ITPR2: variants seen among roughly 807,000 people sequenced by gnomAD.
ITPR2 encodes the protein inositol 1,4,5-trisphosphate receptor type 2.
A neutral mutation model predicts 317.1 loss-of-function variants in ITPR2; 207 were observed. The ratio of observed to expected loss-of-function variants is 0.65; its 90% CI spans 0.58 to 0.73. ITPR2 has a LOEUF of 0.73. Ranked by LOEUF, ITPR2 falls within the 30% of genes least tolerant of loss-of-function variation. The pLI, the probability that ITPR2 is intolerant of heterozygous loss-of-function variation, is 0.00. For synonymous variants in ITPR2, 1,156 were observed against 1,149.1 expected (o/e 1.01, Z -0.12); for missense variants, 2,613 against 3,284.0 (o/e 0.80, Z 4.99).
intron 38 of ITPR2, 99 bp downstream of exon 38, chr12:26,495,053 C>CTT: frequency 1.4e-6 from 1 of 733,836 alleles, no homozygotes; most frequent in Non-Finnish European, 2.4e-6. Context: ...TTAAATGACT[C>CTT]TTTTATATAT....
rs1439247969 is a variant in ITPR2, at chr12:26,391,555, CCTTTT to C, written c.7697-3966_7697-3962del. Reference sequence around the variant, plus strand: ...AGCTTCTTCTTCTTCTTCTTCTTTTCCTTTTTTTTTTTTTTTTTTTTTTTTTTTTG... The same window carrying C: ...AGCTTCTTCTTCTTCTTCTTCTTTTCTTTTTTTTTTTTTTTTTTTTTTTTG... On this transcript the variant is annotated intron_variant, in intron 54 of 56. Transcript: ENST00000381340. Among the ~76,000 whole-genome samples, 173 of 70,848 alleles carry C rather than the reference CCTTTT, an allele frequency of 2.4e-3. 11 individuals carry two copies. Among genetic ancestry groups the C allele is most frequent in the East Asian group, 7.8e-3 (11 of 1,416 alleles). The allele number at this position is 70,848 out of a possible 152,430, so 46.5% of individuals were successfully genotyped here.
At chr12:26,556,564 TTTTGTG>T (rs1320362506) in intron 35 of ITPR2, among the ~76,000 whole-genome samples, 189 bp from the exon 36 acceptor site, 37 of 111,594 alleles carry the variant, frequency 3.3e-4, no homozygotes, top group African/African-American at 9.4e-4. Context: ...CTATTTTTTT[TTTTGTG>T]TGTGTGTGTG....
intron 55 of ITPR2, among the ~76,000 whole-genome samples, chr12:26,360,313 G>C (rs1006631025): frequency 1.3e-5 from 2 of 152,156 alleles, no homozygotes; most frequent in African/African-American, 2.4e-5. Context: ...CACTTCGAGA[G>C]GGAAGTTCAT....
intron 45 of ITPR2, among the ~76,000 whole-genome samples, chr12:26,444,949 G>T (rs531398193): frequency 6.6e-6 from 1 of 152,032 alleles, no homozygotes; most frequent in African/African-American, 2.4e-5. Context: ...AACTAAATTT[G>T]AATTATACAC....
Position 26,655,872 on chromosome 12 carries a change from A to G in ITPR2, c.2445-20T>C. The G allele has an allele frequency of 6.3e-7, 1 of 1,597,960 alleles. No homozygotes were observed. The highest frequency in any genetic ancestry group is 8.5e-7 in the Non-Finnish European group (1 of 1,172,068). On this transcript the variant is annotated intron_variant, in intron 19 of 56. Transcript: ENST00000381340. ...TCATATCTGGAAATAGAGAAAGAAG[A>G]TAACGCAAGTTAAACTGATTGCAAT...
intron 1 of ITPR2, among the ~76,000 whole-genome samples, chr12:26,810,798 C>A (rs978123010): frequency 1.3e-5 from 2 of 152,108 alleles, no homozygotes; most frequent in African/African-American, 4.8e-5. Flanking sequence ...TTTGAAGAAA[C>A]AGCTAGACCA....
intron 21 of ITPR2, among the ~76,000 whole-genome samples, chr12:26,646,466 A>C (rs1947116750): frequency 6.6e-6 from 1 of 152,150 alleles, no homozygotes; most frequent in African/African-American, 2.4e-5. Context: ...AAAAAATTAA[A>C]CTGCACAAGC....
intron 23 of ITPR2, among the ~76,000 whole-genome samples, chr12:26,626,620 A>C (rs934412884): frequency 5.3e-5 from 8 of 152,274 alleles, no homozygotes; most frequent in African/African-American, 1.2e-4. Flanking sequence ...CAGAAAAACA[A>C]CACCATTGCA....
chr12:26,771,462 A>G (rs1026967482), intron 2 of ITPR2, among the ~76,000 whole-genome samples: 1 of 152,176 alleles, frequency 6.6e-6, no homozygotes, highest in African/African-American at 2.4e-5. Context: ...CATTTCTACT[A>G]TATATAGAAG....
intron 34 of ITPR2, among the ~76,000 whole-genome samples, chr12:26,566,348 G>A (rs111163963): frequency 0.35 from 48,880 of 138,014 alleles, 10,567 homozygotes; most frequent in South Asian, 0.5. Flanking sequence ...GAAGGAGAAG[G>A]GGAAGAGGAA....
At chr12:26,541,647 T>C (rs970856184) in intron 37 of ITPR2, among the ~76,000 whole-genome samples, 6 of 152,230 alleles carry the variant, frequency 3.9e-5, no homozygotes, top group Admixed American at 1.3e-4. Context: ...ATGTGAATGA[T>C]TCTATACAGA....
At chr12:26,640,921 A>G (rs1946969533) in intron 21 of ITPR2, among the ~76,000 whole-genome samples, 1 of 152,226 alleles carries the variant, frequency 6.6e-6, no homozygotes, top group African/African-American at 2.4e-5. Context: ...GGGAAACAGC[A>G]GGAGACAGAG....
chr12:26,802,914 A>C (rs1015581938), intron 1 of ITPR2, among the ~76,000 whole-genome samples: 1 of 152,172 alleles, frequency 6.6e-6, no homozygotes, highest in African/African-American at 2.4e-5. Context: ...ATAAGTTTTG[A>C]AACCTGTAAT....
At chr12:26,567,952 A>T (rs12311511) in intron 34 of ITPR2, among the ~76,000 whole-genome samples, 6 of 6,002 alleles carry the variant, frequency 1.0e-3, no homozygotes, top group African/African-American at 1.3e-3. Flanking sequence ...TATATATATT[A>T]TATATATATA....
Position 26,725,687 on chromosome 12 carries a change from CCTT to C in ITPR2, c.239_241del (p.Gln80_Gly81delinsArg). ...CAGCAAGGCTGCCTCGGTGTGGTTC[CCTT>C]GTTTGGCTTGCTTTGCTTTCCAATA... is the stretch of plus-strand genomic sequence containing the variant. On this transcript the variant is annotated inframe_deletion, in exon 3 of 57. Coordinates refer to ENST00000381340, the MANE Select transcript of ITPR2 (RefSeq NM_002223.4). 6.2e-7 allele frequency: 1 copy of C among 1,613,318 alleles called. No homozygotes were observed. Among genetic ancestry groups the C allele is most frequent in the Non-Finnish European group, 8.5e-7 (1 of 1,179,502 alleles).
intron 2 of ITPR2, among the ~76,000 whole-genome samples, chr12:26,775,847 G>A (rs1405966491): frequency 2.7e-5 from 4 of 150,418 alleles, no homozygotes; most frequent in African/African-American, 9.7e-5. Flanking sequence ...GACTCGGACT[G>A]GCTTCCTTGC....
chr12:26,673,902 C>T (rs1355750520), intron 13 of ITPR2, among the ~76,000 whole-genome samples: 541 of 82,094 alleles, frequency 6.6e-3, no homozygotes, highest in Non-Finnish European at 8.1e-3. Context: ...ACAACAATAA[C>T]AGACAAACAG....
At chr12:26,461,384 T>C (rs1232660942) in intron 45 of ITPR2, among the ~76,000 whole-genome samples, 1 of 152,074 alleles carries the variant, frequency 6.6e-6, no homozygotes, top group African/African-American at 2.4e-5. Context: ...AAATTCAGCA[T>C]GCCACCTGTT....
intron 34 of ITPR2, among the ~76,000 whole-genome samples, chr12:26,563,342 C>G (rs1166728486): frequency 5.3e-5 from 8 of 152,176 alleles, no homozygotes; most frequent in Admixed American, 1.3e-4. Flanking sequence ...GAGGCCGAGG[C>G]AGGCGGATCA....
Sources: allele counts gnomAD v4.1 joint callset (sites outside exome capture counted in the v4.1 genomes callset), GRCh38; gene constraint gnomAD v4.1.1; transcripts MANE v1.5; gene names NCBI Gene and HGNC (gene_info 2026-07-23, HGNC 2026-07-21).